WNK3: variants seen among roughly 807,000 people sequenced by gnomAD.
WNK3 encodes WNK lysine deficient protein kinase 3.
Under a neutral mutation model 116.7 loss-of-function variants are expected in WNK3, and 18 were observed. That is an observed-to-expected ratio of 0.15 (90% CI 0.11 to 0.23). WNK3 has a LOEUF of 0.23. Ranked by LOEUF, WNK3 falls within the 10% of genes least tolerant of loss-of-function variation. The pLI, the probability that WNK3 is intolerant of heterozygous loss-of-function variation, is 1.00. For missense variants in WNK3, 993 were observed against 1,323.8 expected, an observed-to-expected ratio of 0.75 and a Z score of 3.88; for synonymous variants, 404 against 469.4, an observed-to-expected ratio of 0.86 and a Z score of 1.80.
chrX:54,200,206 C>T (rs1557141330), intron 23 of WNK3, among the ~76,000 whole-genome samples: 1 of 111,902 alleles, frequency 8.9e-6, no homozygotes, highest in Admixed American at 9.6e-5. Flanking sequence ...ATTTTATATT[C>T]GTATATGCAA....
chrX:54,301,569 G>A (rs1033352207), intron 6 of WNK3, among the ~76,000 whole-genome samples: 1 of 111,017 alleles, frequency 9.0e-6, no homozygotes. Flanking sequence ...CAACCCAAAC[G>A]TCAGTTCAAG....
At chrX:54,231,903 T>A (rs1260759538) in intron 21 of WNK3, among the ~76,000 whole-genome samples, 1 of 110,842 alleles carries the variant, frequency 9.0e-6, no homozygotes, top group East Asian at 2.8e-4. Flanking sequence ...CCTGACCTGA[T>A]TAACAACTTC....
chrX:54,237,152 C>G (rs1340841083), exon 20 of WNK3: 2 of 1,210,556 alleles, frequency 1.7e-6, no homozygotes, highest in African/African-American at 3.5e-5. Flanking sequence ...AATTCACTAT[C>G]AGAGCTAGGC....
chrX:54,275,412 C>CGT (rs1569537519), intron 10 of WNK3, among the ~76,000 whole-genome samples: 40 of 44,439 alleles, frequency 9.0e-4, no homozygotes, highest in African/African-American at 3.5e-3. Flanking sequence ...GGTATAAGTT[C>CGT]ATATGTGTGT....
intron 1 of WNK3, among the ~76,000 whole-genome samples, chrX:54,339,902 CTGTT>C (rs2069296198): frequency 9.0e-6 from 1 of 111,728 alleles, no homozygotes; most frequent in Non-Finnish European, 1.9e-5. Flanking sequence ...GCTCACGCCT[CTGTT>C]TGGGAGTCCA....
At chrX:54,296,327 G>T (rs933651120) in intron 7 of WNK3, among the ~76,000 whole-genome samples, 187 of 110,391 alleles carry the variant, frequency 1.7e-3, no homozygotes, top group African/African-American at 6.0e-3. Context: ...ATAATATATA[G>T]CACAATTGGC....
chrX:54,343,204 A>C (rs1424944602), intron 1 of WNK3, among the ~76,000 whole-genome samples: 1 of 110,761 alleles, frequency 9.0e-6, no homozygotes, highest in African/African-American at 3.3e-5. Flanking sequence ...CTTCACCATA[A>C]AACAGTTTAA....
chrX:54,282,473 T>C (rs900127682), intron 10 of WNK3, among the ~76,000 whole-genome samples: 8 of 111,503 alleles, frequency 7.2e-5, no homozygotes, highest in Admixed American at 2.9e-4. Flanking sequence ...TCCATGTTCC[T>C]GGACTCGAAG....
At chrX:54,265,659 A>G (rs782736956) in intron 10 of WNK3, among the ~76,000 whole-genome samples, 15 of 112,295 alleles carry the variant, frequency 1.3e-4, no homozygotes, top group Non-Finnish European at 2.8e-4. Flanking sequence ...TGTGACCTGC[A>G]TTTTAAAACT....
At chrX:54,208,629 C>T (rs1263500055) in intron 22 of WNK3, among the ~76,000 whole-genome samples, 4 of 111,821 alleles carry the variant, frequency 3.6e-5, no homozygotes, top group Admixed American at 9.5e-5. Context: ...CCTGCCTTGG[C>T]CTCCCAAAGT....
chrX:54,304,065 G>A (rs1275801434), intron 5 of WNK3, among the ~76,000 whole-genome samples: 2 of 111,656 alleles, frequency 1.8e-5, no homozygotes, highest in Non-Finnish European at 1.9e-5. Context: ...ATGAAGTCCC[G>A]TGTAACCATC....
At chrX:54,210,301 A>T (rs1325647236) in intron 22 of WNK3, among the ~76,000 whole-genome samples, 1 of 112,273 alleles carries the variant, frequency 8.9e-6, no homozygotes, top group African/African-American at 3.2e-5. Context: ...TTCCTACTTA[A>T]GAAGACATGA....
exon 24 of WNK3, chrX:54,195,942 C>T (rs191508356): frequency 3.2e-4 from 36 of 111,197 alleles, no homozygotes; most frequent in Non-Finnish European, 6.4e-4. Context: ...TGTAATTGTA[C>T]ATGTCAGCCA....
upstream of WNK3, among the ~76,000 whole-genome samples, chrX:54,358,156 G>A (rs1205779258): frequency 9.0e-6 from 1 of 111,682 alleles, no homozygotes; most frequent in Non-Finnish European, 1.9e-5. Context: ...ATCGCAGCGA[G>A]GTGCCGAGTG....
chrX:54,198,730 C>T (rs2067473392), intron 23 of WNK3, 77 bp from the exon 24 acceptor site: 1 of 726,522 alleles, frequency 1.4e-6, no homozygotes, highest in Non-Finnish European at 1.9e-6. Context: ...CCTTCCTATT[C>T]TTTTTTTTTC....
At chrX:54,193,568 G>A (rs2067418777) in exon 24 of WNK3, 1 of 110,400 alleles carries the variant, frequency 9.1e-6, no homozygotes, top group Non-Finnish European at 1.9e-5. Context: ...TTGTACACTC[G>A]TCTAGCTATC....
At chrX:54,354,098 AAG>A (rs2069558530) in intron 1 of WNK3, among the ~76,000 whole-genome samples, 1 of 110,830 alleles carries the variant, frequency 9.0e-6, no homozygotes, top group Admixed American at 9.7e-5. Flanking sequence ...AAAAAAAAAA[AAG>A]ATTCACGAGA....
At chrX:54,349,222 C>G (rs1234721945) in intron 1 of WNK3, among the ~76,000 whole-genome samples, 1 of 111,484 alleles carries the variant, frequency 9.0e-6, no homozygotes, top group Non-Finnish European at 1.9e-5. Context: ...CCTGCAGTCC[C>G]AGCTACTCAG....
In WNK3 at chrX:54,248,711, C is replaced by T. The variant is rs3747286; in HGVS notation, c.3637G>A (p.Glu1213Lys). The change falls in exon 17 of 24, where the codon GAA (glutamate) becomes AAA (lysine). Residue 1213 changes from glutamate (E) to lysine (K), a missense_variant. This residue lies in a region of WNK3 where 836 missense variants were observed against 976.5 expected (regional missense o/e 0.86). Transcript: ENST00000354646. Reference sequence around the variant, plus strand: ...ATGATACTTACATGTAAACACAATTCGCTGGGTACAGAAGTTATCACATTC... The same window carrying T: ...ATGATACTTACATGTAAACACAATTTGCTGGGTACAGAAGTTATCACATTC... The T allele has an allele frequency of 2.2e-5, 26 of 1,202,267 alleles. No homozygotes were observed. The highest frequency in any genetic ancestry group is 2.3e-4 in the Middle Eastern group (1 of 4,322).
Sources: allele counts gnomAD v4.1 joint callset (sites outside exome capture counted in the v4.1 genomes callset), GRCh38; gene constraint gnomAD v4.1.1; regional missense constraint gnomAD v4.1.1; transcripts MANE v1.5; gene names NCBI Gene and HGNC (gene_info 2026-07-23, HGNC 2026-07-21).